The following BOLL variants were observed in gnomAD, a reference collection of about 807,000 sequenced individuals.
The protein encoded by BOLL is protein boule-like.
A neutral mutation model predicts 44.4 loss-of-function variants in BOLL; 23 were observed. The observed-to-expected ratio is 0.52, with a 90% CI of 0.37 to 0.73. The LOEUF (loss-of-function observed/expected upper bound fraction) is 0.73. Among genes scored for constraint, BOLL ranks in the 30% least tolerant of loss-of-function variants. BOLL has a pLI of 0.00. For missense variants in BOLL, 287 were observed against 338.3 expected (o/e 0.85, Z 1.19); for synonymous variants, 97 against 110.8 (o/e 0.88, Z 0.78).
intron 10 of BOLL, among the ~76,000 whole-genome samples, chr2:197,735,476 G>A (rs1475740548): frequency 2.0e-5 from 3 of 151,720 alleles, no homozygotes; most frequent in Admixed American, 1.3e-4. Flanking sequence ...GAAAACTTTT[G>A]CCTGTAATAT....
chr2:197,739,343 C>T (rs1481189097), intron 10 of BOLL, among the ~76,000 whole-genome samples: 1 of 152,088 alleles, frequency 6.6e-6, no homozygotes, highest in African/African-American at 2.4e-5. Context: ...CTCACTGTAA[C>T]CTTGAACCTT....
At chr2:197,729,034 G>A (rs961598837) in intron 10 of BOLL, among the ~76,000 whole-genome samples, 3 of 152,190 alleles carry the variant, frequency 2.0e-5, no homozygotes, top group Non-Finnish European at 2.9e-5. Context: ...CGCAGAAGAC[G>A]GGTGATTTCT....
intron 9 of BOLL, among the ~76,000 whole-genome samples, chr2:197,751,441 A>C (rs1459618128): frequency 2.0e-5 from 3 of 152,210 alleles, no homozygotes; most frequent in Non-Finnish European, 2.9e-5. Flanking sequence ...AAATAGACAC[A>C]GTAAAAAATG....
intron 10 of BOLL, among the ~76,000 whole-genome samples, chr2:197,735,426 C>T (rs1687439434): frequency 6.6e-6 from 1 of 152,020 alleles, no homozygotes; most frequent in African/African-American, 2.4e-5. Context: ...TATCTTTTCT[C>T]TATTATTATT....
chr2:197,778,910 C>T, intron 3 of BOLL, 65 bp downstream of exon 3: 1 of 1,408,136 alleles, frequency 7.1e-7, no homozygotes, highest in Non-Finnish European at 9.8e-7. Context: ...AACTGGCGTA[C>T]AAAACCTAGT....
intron 9 of BOLL, among the ~76,000 whole-genome samples, chr2:197,753,453 A>G (rs1426185393): frequency 6.6e-6 from 1 of 152,218 alleles, no homozygotes; most frequent in Non-Finnish European, 1.5e-5. Flanking sequence ...GAAAAAAACA[A>G]TCCCATCAAA....
chr2:197,743,732 C>T (rs1035208770), intron 9 of BOLL, among the ~76,000 whole-genome samples: 27 of 151,964 alleles, frequency 1.8e-4, no homozygotes, highest in African/African-American at 6.5e-4. Context: ...TTTAGTAATA[C>T]CTTTTATTTA....
At chr2:197,743,623 A>G (rs1175639046) in intron 9 of BOLL, among the ~76,000 whole-genome samples, 1 of 152,226 alleles carries the variant, frequency 6.6e-6, no homozygotes, top group Non-Finnish European at 1.5e-5. Context: ...ATGTGGCTCT[A>G]GACCAGGACT....
intron 9 of BOLL, among the ~76,000 whole-genome samples, chr2:197,746,676 C>T (rs1297354616): frequency 4.6e-5 from 7 of 152,066 alleles, no homozygotes; most frequent in East Asian, 1.9e-4. Flanking sequence ...CCGAGGCAGG[C>T]GGATCATGAG....
intron 9 of BOLL, among the ~76,000 whole-genome samples, chr2:197,750,905 C>G (rs1228178267): frequency 6.6e-6 from 1 of 152,158 alleles, no homozygotes; most frequent in East Asian, 1.9e-4. Flanking sequence ...AAGTAAAACA[C>G]TCCTCAGAAA....
intron 9 of BOLL, 48 bp downstream of exon 9, chr2:197,756,380 G>C: frequency 7.0e-7 from 1 of 1,438,296 alleles, no homozygotes; most frequent in Non-Finnish European, 9.3e-7. Context: ...AGAAATAAAT[G>C]TTAACATGAG....
intron 4 of BOLL, among the ~76,000 whole-genome samples, chr2:197,776,170 C>G (rs1316986622): frequency 6.6e-6 from 1 of 151,808 alleles, no homozygotes; most frequent in Non-Finnish European, 1.5e-5. Context: ...AGAGAGCTTT[C>G]TATTTAGTGC....
At position 197,728,471 on chromosome 2, in the gene BOLL, C is replaced by A; in HGVS notation, c.*84G>T. ...AAGTTTCACAACGGGCAGCTTCTAG[C>A]TGGTTCGTTGAAGCTGGATCTCGGC... On this transcript the variant is annotated 3_prime_UTR_variant, in exon 11 of 11. Transcript: ENST00000392296. The A allele has an allele frequency of 6.2e-7, 1 of 1,606,384 alleles. No individual in the cohort carries two copies. Among genetic ancestry groups the A allele is most frequent in the Non-Finnish European group, 8.5e-7 (1 of 1,173,188 alleles).
intron 5 of BOLL, chr2:197,773,943 C>T (rs1181244460): frequency 2.5e-6 from 1 of 407,152 alleles, no homozygotes; most frequent in African/African-American, 2.1e-5. Context: ...AAAGAAATGA[C>T]AGATCTAAGA....
chr2:197,781,279 T>A (rs763777006), intron 2 of BOLL, among the ~76,000 whole-genome samples: 2 of 152,166 alleles, frequency 1.3e-5, no homozygotes, highest in Non-Finnish European at 2.9e-5. Context: ...AGGAGGTTGC[T>A]CAGGAATCTG....
In BOLL at chr2:197,751,845, A is replaced by AC. The variant is rs1028360283; in HGVS notation, c.729+4582_729+4583insG. On this transcript the variant is annotated intron_variant, in intron 9 of 10. Transcript: ENST00000392296. ...AAACCTGTCAGAAACCAACAAAAAA[A>AC]AAAAAAGAAAATTTCAGGCCAACAT... is the stretch of plus-strand genomic sequence containing the variant. Among the ~76,000 whole-genome samples, 5 of 151,984 alleles carry AC rather than the reference A, an allele frequency of 3.3e-5. No individual in the cohort carries two copies. The East Asian group carries it at 7.7e-4, about 23-fold the overall frequency.
chr2:197,749,150 C>G (rs1688120792), intron 9 of BOLL, among the ~76,000 whole-genome samples: 1 of 152,224 alleles, frequency 6.6e-6, no homozygotes, highest in Non-Finnish European at 1.5e-5. Flanking sequence ...AGGGGCCTGA[C>G]TCTTAGAAGG....
chr2:197,786,148 A>G (rs1690064436), upstream of BOLL: 1 of 1,266,526 alleles, frequency 7.9e-7, no homozygotes, highest in African/African-American at 1.5e-5. The surrounding 1 kb of genome is among the most constrained non-coding windows in gnomAD (Gnocchi z 5.9). Flanking sequence ...GCTGCAGGGA[A>G]GCAGGCTCGG....
intron 9 of BOLL, among the ~76,000 whole-genome samples, chr2:197,754,370 A>G (rs1688405393): frequency 6.6e-6 from 1 of 152,302 alleles, no homozygotes; most frequent in East Asian, 1.9e-4. Context: ...TACAAAAATT[A>G]ACTCAAGATG....
Sources: allele counts gnomAD v4.1 joint callset (sites outside exome capture counted in the v4.1 genomes callset), GRCh38; gene constraint gnomAD v4.1.1; non-coding constraint Gnocchi (gnomAD v3.1); transcripts MANE v1.5; gene names NCBI Gene and HGNC (gene_info 2026-07-23, HGNC 2026-07-21).